Variants in CSRNP3 observed in about 807,000 individuals in gnomAD.
CSRNP3 encodes the protein cysteine and serine rich nuclear protein 3.
In CSRNP3, 12 loss-of-function variants were observed where a neutral mutation model predicts 48.0. That is an observed-to-expected ratio of 0.25 (90% confidence interval 0.16 to 0.41). The LOEUF (loss-of-function observed/expected upper bound fraction) is 0.41, where lower values mean the gene tolerates loss of function less well. Ranked by LOEUF, CSRNP3 falls within the 10% of genes least tolerant of loss-of-function variation. CSRNP3 has a pLI of 1.00. For missense variants in CSRNP3, 580 were observed against 724.4 expected, an observed-to-expected ratio of 0.80 and a Z score of 2.29; for synonymous variants, 263 against 269.7, an observed-to-expected ratio of 0.98 and a Z score of 0.24.
Position 165,671,333 on chromosome 2 carries a change from T to C in CSRNP3, c.409-4979T>C, listed in dbSNP as rs78423936. Among the ~76,000 whole-genome samples, 13 of 152,274 alleles carry C rather than the reference T, an allele frequency of 8.5e-5. No individual in the cohort carries two copies. In the East Asian group the frequency reaches 2.3e-3, roughly 27 times the overall value. On this transcript the variant is annotated intron_variant, in intron 5 of 6. Coordinates refer to ENST00000651982, the MANE Select transcript of CSRNP3 (RefSeq NM_001172173.2). Reference sequence around the variant, plus strand: ...AAATGAATACCACTGTGAATGAAGATGGGTTGTATTAATAAAGAAAACGAG... The same window carrying C: ...AAATGAATACCACTGTGAATGAAGACGGGTTGTATTAATAAAGAAAACGAG...
intron 2 of CSRNP3, among the ~76,000 whole-genome samples, chr2:165,502,309 G>T (rs931021283): frequency 6.6e-6 from 1 of 151,810 alleles, no homozygotes; most frequent in African/African-American, 2.4e-5. Flanking sequence ...GGTATAATAA[G>T]ATCCAGAAGG....
chr2:165,617,317 G>T (rs573657059), intron 4 of CSRNP3, among the ~76,000 whole-genome samples: 28 of 152,300 alleles, frequency 1.8e-4, no homozygotes, highest in Middle Eastern at 3.4e-3. Context: ...CATATGGAAA[G>T]AATTTTTCTT....
At chr2:165,585,700 C>T (rs1200848844) in intron 3 of CSRNP3, among the ~76,000 whole-genome samples, 1 of 152,136 alleles carries the variant, frequency 6.6e-6, no homozygotes, top group Non-Finnish European at 1.5e-5. Context: ...TTATTTTGCA[C>T]TTTCACAAAT....
rs140702216 is a variant in CSRNP3 at position 165,634,895 on chromosome 2, C to T, written c.149-22866C>T. On this transcript the variant is annotated intron_variant, in intron 4 of 6. Coordinates refer to ENST00000651982, the MANE Select transcript of CSRNP3 (RefSeq NM_001172173.2). Reference sequence around the variant, plus strand: ...TGTGTGCCTTACTTTATTGTTATCTCGTCCAGGAAGGAGCCTGTGTTGTTC... The same window carrying T: ...TGTGTGCCTTACTTTATTGTTATCTTGTCCAGGAAGGAGCCTGTGTTGTTC... 8.2e-4 allele frequency among the ~76,000 whole-genome samples: 125 copies of T among 152,320 alleles called. 2 individuals are homozygous for T. The highest frequency in any genetic ancestry group is 2.9e-3 in the African/African-American group (122 of 41,566).
intron 6 of CSRNP3, among the ~76,000 whole-genome samples, chr2:165,677,305 G>A (rs10182272): frequency 0.24 from 36,587 of 152,098 alleles, 5,183 homozygotes; most frequent in Non-Finnish European, 0.32. Context: ...ATTGAGTATT[G>A]TGGTTGCCAC....
At chr2:165,660,770 A>G (rs1030355837) in intron 5 of CSRNP3, among the ~76,000 whole-genome samples, 1 of 152,238 alleles carries the variant, frequency 6.6e-6, no homozygotes, top group Non-Finnish European at 1.5e-5. Context: ...AGAGGCAATC[A>G]TCTGAGCTAG....
chr2:165,519,413 T>A (rs1684622795), intron 3 of CSRNP3, among the ~76,000 whole-genome samples: 1 of 152,136 alleles, frequency 6.6e-6, no homozygotes, highest in South Asian at 2.1e-4. Context: ...ATGCAAATAG[T>A]AGGTAGGTGA....
Position 165,679,382 on chromosome 2 carries a change from G to C in CSRNP3, c.1387G>C (p.Gly463Arg). 2 of 1,613,538 alleles carry C rather than the reference G, an allele frequency of 1.2e-6. No individual in the cohort carries two copies. Among genetic ancestry groups the C allele is most frequent in the Non-Finnish European group, 1.7e-6 (2 of 1,179,924 alleles). ...TTCTGAAAGAGACACTGTCAAAAAT[G>C]GTACCCTTTCGCTGGTGCCTTACAC... ...NYSERDTVKN[G>R]TLSLVPYTMT... The change falls in exon 7 of 7, where the codon GGT (glycine) becomes CGT (arginine). Residue 463 changes from glycine (G) to arginine (R), a missense_variant. Around this residue, in one of 4 missense-constraint regions of CSRNP3, gnomAD observed 369 missense variants for 380.8 expected, o/e 0.97. Transcript: ENST00000651982.
intron 2 of CSRNP3, 87 bp from the exon 3 acceptor site, chr2:165,517,786 G>A (rs1439457594): frequency 6.6e-6 from 1 of 152,264 alleles, no homozygotes; most frequent in Non-Finnish European, 1.5e-5. Context: ...TTTCTCCTAT[G>A]TAATCACGAT....
intron 4 of CSRNP3, among the ~76,000 whole-genome samples, chr2:165,626,831 A>G (rs1686444037): frequency 6.6e-6 from 1 of 152,230 alleles, no homozygotes; most frequent in African/African-American, 2.4e-5. Flanking sequence ...ACCAAGAAAT[A>G]TCCACATGCC....
At chr2:165,568,786 A>T (rs1685331426) in intron 3 of CSRNP3, among the ~76,000 whole-genome samples, 1 of 152,062 alleles carries the variant, frequency 6.6e-6, no homozygotes, top group Admixed American at 6.6e-5. Flanking sequence ...TATTTTATTT[A>T]AAATATCTTA....
At chr2:165,609,782 C>A (rs1686104842) in intron 4 of CSRNP3, among the ~76,000 whole-genome samples, 1 of 152,050 alleles carries the variant, frequency 6.6e-6, no homozygotes, top group Admixed American at 6.6e-5. Context: ...GACAGTTATG[C>A]GTTTGGAAGA....
intron 3 of CSRNP3, among the ~76,000 whole-genome samples, chr2:165,526,502 A>G (rs1408463763): frequency 6.6e-6 from 1 of 152,188 alleles, no homozygotes; most frequent in Non-Finnish European, 1.5e-5. Flanking sequence ...CTAAACTTAA[A>G]AATTAAAAGA....
chr2:165,486,067 G>A (rs1412506034), intron 1 of CSRNP3, among the ~76,000 whole-genome samples: 9 of 152,134 alleles, frequency 5.9e-5, no homozygotes, highest in Admixed American at 5.9e-4. Flanking sequence ...CCAGACAGTG[G>A]GCGCAGGCCA....
At chr2:165,504,074 G>A (rs930002003) in intron 2 of CSRNP3, among the ~76,000 whole-genome samples, 1 of 151,700 alleles carries the variant, frequency 6.6e-6, no homozygotes, top group Non-Finnish European at 1.5e-5. Context: ...CTATTTCATT[G>A]TAAATTAATT....
intron 5 of CSRNP3, among the ~76,000 whole-genome samples, chr2:165,669,983 A>T (rs1392918986): frequency 6.6e-6 from 1 of 152,228 alleles, no homozygotes; most frequent in East Asian, 1.9e-4. Flanking sequence ...AGCTAAGCCA[A>T]ATGGCAAAGA....
intron 3 of CSRNP3, among the ~76,000 whole-genome samples, chr2:165,580,480 G>C (rs1390155720): frequency 6.6e-6 from 1 of 152,042 alleles, no homozygotes; most frequent in East Asian, 1.9e-4. Context: ...AATGTCCAAA[G>C]TATTTTTTTC....
At chr2:165,635,007 G>A (rs1394367328) in intron 4 of CSRNP3, among the ~76,000 whole-genome samples, 1 of 152,200 alleles carries the variant, frequency 6.6e-6, no homozygotes, top group Non-Finnish European at 1.5e-5. Flanking sequence ...AGTCCTGAGG[G>A]GAGTGTTCCC....
chr2:165,641,191 C>T (rs1686716236), intron 4 of CSRNP3, among the ~76,000 whole-genome samples: 2 of 152,052 alleles, frequency 1.3e-5, no homozygotes, highest in Non-Finnish European at 2.9e-5. Flanking sequence ...AATTTTAAAC[C>T]AGACCACAAC....
Sources: gnomAD v4.1 joint callset for allele counts (sites outside exome capture counted in the v4.1 genomes callset) on GRCh38, gnomAD v4.1.1 for gene constraint, gnomAD v4.1.1 regional missense constraint, MANE v1.5 for transcripts, NCBI Gene and HGNC (gene_info 2026-07-23, HGNC 2026-07-21) for gene names.